Variants in ARHGEF33 observed in about 807,000 individuals in gnomAD.
ARHGEF33 encodes DH and coiled-coil domain-containing protein ENSP00000381780.
In ARHGEF33, 72 loss-of-function variants were observed where a neutral mutation model predicts 101.9. That is an observed-to-expected ratio of 0.71 (90% CI 0.58 to 0.86). The LOEUF is 0.86. ARHGEF33 is among the 40% of genes least tolerant of loss of function. ARHGEF33 has a pLI of 0.00. For synonymous variants in ARHGEF33, 499 were observed against 442.5 expected (o/e 1.13, Z -1.60); for missense variants, 1,169 against 1,111.3 (o/e 1.05, Z -0.74).
chr2:38,904,570 G>T (rs1666345069), intron 2 of ARHGEF33, among the ~76,000 whole-genome samples: 1 of 152,000 alleles, frequency 6.6e-6, no homozygotes, highest in Non-Finnish European at 1.5e-5. Context: ...GCCAGGCGTA[G>T]TCGTGGGTGC....
At chr2:38,968,658 C>G (rs1668102821) in intron 17 of ARHGEF33, among the ~76,000 whole-genome samples, 1 of 152,162 alleles carries the variant, frequency 6.6e-6, no homozygotes, top group Admixed American at 6.5e-5. Context: ...TAGATCAGTC[C>G]CTCCTGCATC....
In ARHGEF33 at chr2:38,931,198, T is replaced by C. The variant is rs971888465; in HGVS notation, c.452T>C (p.Val151Ala). 1.3e-6 allele frequency: 2 copies of C among 1,551,512 alleles called. No homozygotes were observed. The highest frequency in any genetic ancestry group is 1.7e-6 in the Non-Finnish European group (2 of 1,146,948). Residue 151 changes from valine (V) to alanine (A), a missense_variant, in exon 7 of 18, where the codon GTT (valine) becomes GCT (alanine). Physicochemically the swap from Val to Ala is moderately conservative, Grantham distance 64. Transcript: ENST00000409978. ...CGTTCTATCAATATCCCTGAGCCTG[T>C]TCTTCCAAGCGAAGACTTTACCAAC... Reference protein sequence around the residue: ...PFRSINIPEPVLPSEDFTNLL... With the variant: ...PFRSINIPEPALPSEDFTNLL...
At chr2:38,937,297 TTTTC>T (rs1161927587) in intron 8 of ARHGEF33, 34 bp from the exon 9 acceptor site, 1 of 870,536 alleles carries the variant, frequency 1.1e-6, no homozygotes, top group Non-Finnish European at 1.8e-6. Context: ...TTGATAGCAG[TTTTC>T]TTTGTTTCCC....
intron 16 of ARHGEF33, among the ~76,000 whole-genome samples, chr2:38,962,688 C>T (rs1488533216): frequency 6.6e-6 from 1 of 151,914 alleles, no homozygotes; most frequent in African/African-American, 2.4e-5. Flanking sequence ...ATTTCTGTTT[C>T]TAGACACAAT....
chr2:38,915,940 C>G (rs1165745338), intron 2 of ARHGEF33, among the ~76,000 whole-genome samples: 3 of 152,020 alleles, frequency 2.0e-5, no homozygotes, highest in Admixed American at 6.6e-5. Flanking sequence ...GCAGGTGGGT[C>G]CCTTAAGCCT....
intron 2 of ARHGEF33, among the ~76,000 whole-genome samples, chr2:38,907,434 A>C (rs185177487): frequency 5.5e-4 from 83 of 152,272 alleles, no homozygotes; most frequent in African/African-American, 1.9e-3. Flanking sequence ...CTGAACTATG[A>C]AAAAAATTCT....
intron 10 of ARHGEF33, 78 bp downstream of exon 10, chr2:38,944,108 A>C: frequency 7.0e-7 from 1 of 1,424,748 alleles, no homozygotes; most frequent in South Asian, 1.5e-5. Flanking sequence ...CCACTTTGGG[A>C]TTTCTGGGGC....
intron 11 of ARHGEF33, among the ~76,000 whole-genome samples, 168 bp downstream of exon 11, chr2:38,951,289 A>C (rs900804593): frequency 6.6e-6 from 1 of 152,180 alleles, no homozygotes; most frequent in Non-Finnish European, 1.5e-5. Flanking sequence ...ATTCAGAGAG[A>C]TTTAAAAGCC....
At chr2:38,939,289 T>C (rs1013139479) in intron 9 of ARHGEF33, among the ~76,000 whole-genome samples, 9 of 152,204 alleles carry the variant, frequency 5.9e-5, no homozygotes. Flanking sequence ...TGAATATTCT[T>C]GTACAAATTT....
chr2:38,927,116 C>T (rs372846656), intron 4 of ARHGEF33, among the ~76,000 whole-genome samples: 1 of 152,136 alleles, frequency 6.6e-6, no homozygotes, highest in African/African-American at 2.4e-5. Flanking sequence ...TGTTTCCCAG[C>T]CTTCTAGCCC....
chr2:38,934,095 G>A (rs192714533), intron 7 of ARHGEF33, among the ~76,000 whole-genome samples: 17 of 152,206 alleles, frequency 1.1e-4, no homozygotes, highest in Admixed American at 8.5e-4. Context: ...TTTATTATCC[G>A]TCTCTTCTTT....
At chr2:38,912,960 T>C (rs1278289868) in intron 2 of ARHGEF33, among the ~76,000 whole-genome samples, 3 of 152,062 alleles carry the variant, frequency 2.0e-5, no homozygotes, top group Admixed American at 1.3e-4. Flanking sequence ...ATATAGCAGC[T>C]GTTCAAGAAA....
intron 4 of ARHGEF33, 82 bp downstream of exon 4, chr2:38,921,505 A>C: frequency 1.0e-6 from 1 of 952,504 alleles, no homozygotes; most frequent in South Asian, 1.4e-5. Flanking sequence ...CGTTTTTAGC[A>C]CTCACAAGTG....
rs1333622327 is a variant in ARHGEF33 at position 38,941,635 on chromosome 2, G to C, written c.791-2266G>C. On this transcript the variant is annotated intron_variant, in intron 9 of 17. Transcript: ENST00000409978. ...TGATCTCAGCCCACTGCAACCTCTG[G>C]CTGCCAGGTTCAAGCAATCCCCCTG... 4.0e-5 allele frequency among the ~76,000 whole-genome samples: 6 copies of C among 151,376 alleles called. No individual in the cohort carries two copies. The South Asian group carries it at 1.3e-3, about 32-fold the overall frequency.
chr2:38,930,830 G>A (rs934421607), intron 6 of ARHGEF33, among the ~76,000 whole-genome samples: 15 of 152,114 alleles, frequency 9.9e-5, no homozygotes, highest in Admixed American at 7.2e-4. Context: ...TAAAGATCCC[G>A]ATGATAAGGA....
At chr2:38,890,308 A>C (rs1312976066) in intron 1 of ARHGEF33, among the ~76,000 whole-genome samples, 1 of 152,238 alleles carries the variant, frequency 6.6e-6, no homozygotes, top group East Asian at 1.9e-4. Context: ...TCTTAAAGAA[A>C]GGATGCTAGA....
chr2:38,895,367 A>G (rs184415162), intron 1 of ARHGEF33, among the ~76,000 whole-genome samples: 4 of 152,376 alleles, frequency 2.6e-5, no homozygotes, highest in South Asian at 4.1e-4. Flanking sequence ...GAAGTAGGTG[A>G]TTTAATGTGG....
chr2:38,891,398 C>A (rs1024103255), intron 1 of ARHGEF33, among the ~76,000 whole-genome samples: 3 of 151,860 alleles, frequency 2.0e-5, no homozygotes, highest in Non-Finnish European at 4.4e-5. Flanking sequence ...TTCCTCTCTC[C>A]CTCTTCCTTC....
intron 13 of ARHGEF33, among the ~76,000 whole-genome samples, chr2:38,955,481 C>CTTTTTTTTTTTTTT (rs3085350): frequency 2.8e-5 from 2 of 71,186 alleles, no homozygotes; most frequent in African/African-American, 5.9e-5. Context: ...ATTGAAAAGA[C>CTTTTTTTTTTTTTT]TTTTTTTTTT....
Sources: allele counts gnomAD v4.1 joint callset (sites outside exome capture counted in the v4.1 genomes callset), GRCh38; gene constraint gnomAD v4.1.1; transcripts MANE v1.5; gene names NCBI Gene and HGNC (gene_info 2026-07-23, HGNC 2026-07-21).